The following TCF7L1 variants were observed in gnomAD, a reference collection of about 807,000 sequenced individuals.
The protein encoded by TCF7L1 is transcription factor 7 like 1.
A neutral mutation model predicts 63.7 loss-of-function variants in TCF7L1; 18 were observed. The observed-to-expected ratio is 0.28, with a 90% confidence interval of 0.20 to 0.42. The LOEUF (loss-of-function observed/expected upper bound fraction) is 0.42. Among genes scored for constraint, TCF7L1 ranks in the 10% least tolerant of loss-of-function variants. The pLI, the probability that TCF7L1 is intolerant of heterozygous loss-of-function variation, is 1.00. For missense variants in TCF7L1, 654 were observed against 779.3 expected, an observed-to-expected ratio of 0.84 and a Z score of 1.91; for synonymous variants, 355 against 340.9, an observed-to-expected ratio of 1.04 and a Z score of -0.46.
chr2:85,217,296 C>G (rs1679732388), intron 3 of TCF7L1: 1 of 152,220 alleles, frequency 6.6e-6, no homozygotes, highest in Admixed American at 6.5e-5. Flanking sequence ...GCAAGTTATA[C>G]TGACTTGCAG....
chr2:85,247,249 A>C (rs1185839285), intron 3 of TCF7L1, among the ~76,000 whole-genome samples: 3 of 152,198 alleles, frequency 2.0e-5, no homozygotes, highest in African/African-American at 7.2e-5. Flanking sequence ...CATGACCGCT[A>C]TTATTAACCT....
chr2:85,244,069 C>A (rs573857737), intron 3 of TCF7L1, among the ~76,000 whole-genome samples: 1 of 152,114 alleles, frequency 6.6e-6, no homozygotes, highest in Non-Finnish European at 1.5e-5. Context: ...GACACATACA[C>A]GGGGGAAGAG....
At chr2:85,161,035 G>T (rs986075737) in intron 3 of TCF7L1, among the ~76,000 whole-genome samples, 3 of 152,150 alleles carry the variant, frequency 2.0e-5, no homozygotes, top group Non-Finnish European at 4.4e-5. Flanking sequence ...CCCTTAGTGG[G>T]CCGACTTCTG....
intron 3 of TCF7L1, among the ~76,000 whole-genome samples, chr2:85,278,309 G>C (rs574329052): frequency 2.0e-5 from 3 of 152,262 alleles, no homozygotes; most frequent in East Asian, 3.9e-4. Context: ...GAGCCCCTCT[G>C]AATAATAAAG....
At chr2:85,221,319 G>A (rs150436186) in intron 3 of TCF7L1, among the ~76,000 whole-genome samples, 45 of 152,344 alleles carry the variant, frequency 3.0e-4, no homozygotes, top group Middle Eastern at 3.4e-3. Context: ...GCCACTAGTT[G>A]AGGAAAGTTT....
intron 3 of TCF7L1, among the ~76,000 whole-genome samples, chr2:85,269,050 G>C (rs1302242517): frequency 6.6e-6 from 1 of 152,112 alleles, no homozygotes; most frequent in Non-Finnish European, 1.5e-5. Context: ...TGAGAAGAGA[G>C]AGATGGTAGA....
chr2:85,161,764 G>A (rs1678291968), intron 3 of TCF7L1, among the ~76,000 whole-genome samples: 1 of 152,218 alleles, frequency 6.6e-6, no homozygotes, highest in Non-Finnish European at 1.5e-5. Flanking sequence ...GCACTCTAGG[G>A]TCATCCACTT....
chr2:85,256,330 G>A (rs1680718501), intron 3 of TCF7L1, among the ~76,000 whole-genome samples: 1 of 152,256 alleles, frequency 6.6e-6, no homozygotes, highest in Non-Finnish European at 1.5e-5. Flanking sequence ...AGGATGGGGA[G>A]GGAGGAAGCT....
In TCF7L1 at chr2:85,302,501, C is replaced by G; in HGVS notation, c.543C>G (p.Val181=). ...SPAHLSNKVP[V]VQHPHHMHPL... ...TCTTTCAGTCTAATAAAGTTCCTGT[C>G]GTTCAGCACCCGCATCACATGCATC... Residue 181 remains valine (V), a synonymous_variant, in exon 5 of 12, where the codon GTC becomes GTG. Transcript: ENST00000282111. The G allele has an allele frequency of 6.2e-7, 1 of 1,614,128 alleles. No homozygotes were observed. The highest frequency in any genetic ancestry group is 1.1e-5 in the South Asian group (1 of 91,082).
At chr2:85,292,765 A>G (rs1381174549) in intron 4 of TCF7L1, among the ~76,000 whole-genome samples, 1 of 152,086 alleles carries the variant, frequency 6.6e-6, no homozygotes, top group Non-Finnish European at 1.5e-5. Context: ...TCTTATAGAG[A>G]CGGGGTTTCG....
At chr2:85,256,131 C>T (rs1366459132) in intron 3 of TCF7L1, among the ~76,000 whole-genome samples, 1 of 152,148 alleles carries the variant, frequency 6.6e-6, no homozygotes, top group Non-Finnish European at 1.5e-5. Context: ...GCAGGCCCGG[C>T]CTTGTGCTAA....
rs192039672 is a variant in TCF7L1 at position 85,191,847 on chromosome 2, T to C, written c.441+57397T>C. ...TCTCAAAAAAAAAAAAAAAAGAAGT[T>C]TATTTTATTTCCTCATTGGATGTGA... On this transcript the variant is annotated intron_variant, in intron 3 of 11. Transcript: ENST00000282111. Among the ~76,000 whole-genome samples, 1,366 of 151,880 alleles carry C rather than the reference T, an allele frequency of 9.0e-3. 22 individuals are homozygous for C. Among genetic ancestry groups the C allele is most frequent in the African/African-American group, 0.031 (1,288 of 41,392 alleles).
At chr2:85,237,423 T>C (rs939213418) in intron 3 of TCF7L1, among the ~76,000 whole-genome samples, 2 of 152,104 alleles carry the variant, frequency 1.3e-5, no homozygotes, top group Non-Finnish European at 2.9e-5. Context: ...TGTCGCTTGC[T>C]GTCTGGGGCT....
chr2:85,237,219 T>C (rs1680212073), intron 3 of TCF7L1, among the ~76,000 whole-genome samples: 1 of 152,166 alleles, frequency 6.6e-6, no homozygotes, highest in Admixed American at 6.5e-5. Context: ...GTTTGTCTAG[T>C]GGTTTGTTGT....
At chr2:85,234,060 C>T (rs1680142411) in intron 3 of TCF7L1, among the ~76,000 whole-genome samples, 1 of 149,806 alleles carries the variant, frequency 6.7e-6, no homozygotes. Context: ...ATATAATCTT[C>T]TAATAAGGCA....
intron 3 of TCF7L1, among the ~76,000 whole-genome samples, chr2:85,239,467 TC>T (rs1295912463): frequency 6.6e-6 from 1 of 152,134 alleles, no homozygotes; most frequent in East Asian, 1.9e-4. Flanking sequence ...TGCAAACTCT[TC>T]CCAACCCATC....
chr2:85,257,708 C>T (rs1454141690), intron 3 of TCF7L1, among the ~76,000 whole-genome samples: 1 of 152,216 alleles, frequency 6.6e-6, no homozygotes, highest in Non-Finnish European at 1.5e-5. Context: ...AGCCCACGCC[C>T]ACTGCACAGC....
rs573462555 is a variant in TCF7L1 at position 85,306,726 on chromosome 2, G to A, written c.1257+167G>A. Among the ~76,000 whole-genome samples the A allele has an allele frequency of 8.5e-5, 13 of 152,196 alleles. No homozygotes were observed. The highest frequency in any genetic ancestry group is 2.6e-4 in the African/African-American group (11 of 41,544). ...CCCAGGCTGGAGTGCATGCAGTGGC[G>A]CGATCTCGGCTCACTGCAAGCTCCG... On this transcript the variant is annotated intron_variant, in intron 10 of 11. Coordinates refer to ENST00000282111, the MANE Select transcript of TCF7L1 (RefSeq NM_031283.3). This position sits in a 1 kb window ranked among gnomAD's most constrained non-coding sequence, Gnocchi z 4.3.
intron 3 of TCF7L1, among the ~76,000 whole-genome samples, chr2:85,193,354 T>C (rs1290182281): frequency 6.6e-6 from 1 of 152,190 alleles, no homozygotes; most frequent in African/African-American, 2.4e-5. Context: ...GGTGGGATAC[T>C]GATCATGCAT....
Sources: allele counts gnomAD v4.1 joint callset (sites outside exome capture counted in the v4.1 genomes callset), GRCh38; gene constraint gnomAD v4.1.1; non-coding constraint Gnocchi (gnomAD v3.1); transcripts MANE v1.5; gene names NCBI Gene and HGNC (gene_info 2026-07-23, HGNC 2026-07-21).